The following CCNY variants were observed in gnomAD, a reference collection of about 807,000 sequenced individuals.
CCNY encodes the protein cyclin Y, also known as cyclin-Y.
A neutral mutation model predicts 42.8 loss-of-function variants in CCNY; 19 were observed. The observed-to-expected ratio is 0.44, with a 90% CI of 0.31 to 0.65. The LOEUF (loss-of-function observed/expected upper bound fraction) is 0.65. Among genes scored for constraint, CCNY ranks in the 30% least tolerant of loss-of-function variants. The pLI is 0.07. For synonymous variants in CCNY, 165 were observed against 162.7 expected, an observed-to-expected ratio of 1.01 and a Z score of -0.11; for missense variants, 370 against 437.3, an observed-to-expected ratio of 0.85 and a Z score of 1.37.
intron 1 of CCNY, among the ~76,000 whole-genome samples, chr10:35,437,661 C>T (rs1402116701): frequency 2.1e-5 from 3 of 142,054 alleles, no homozygotes; most frequent in Non-Finnish European, 4.6e-5. Flanking sequence ...GACTCTGTCT[C>T]AAAAAAAAAA....
chr10:35,386,611 C>T (rs867350966), intron 1 of CCNY, among the ~76,000 whole-genome samples: 34 of 152,090 alleles, frequency 2.2e-4, no homozygotes, highest in African/African-American at 7.2e-4. Context: ...TAAATGGACT[C>T]GGGAGTCCAC....
At chr10:35,321,558 G>T (rs1461414085) in intron 3 of CCNY, among the ~76,000 whole-genome samples, 4 of 151,588 alleles carry the variant, frequency 2.6e-5, no homozygotes. Flanking sequence ...CGCACCTGTG[G>T]TCTCAGTTAC....
In CCNY at chr10:35,270,109, A is replaced by G. The variant is rs184281792; in HGVS notation, c.-9+19483A>G. Among the ~76,000 whole-genome samples, 331 of 152,220 alleles carry G rather than the reference A, an allele frequency of 2.2e-3. 1 individual carries two copies. Among genetic ancestry groups the G allele is most frequent in the Admixed American group, 4.8e-3 (73 of 15,272 alleles). The stretch of plus-strand genomic sequence containing the variant: ...CCAACATTTTCTTCACAATCACTTC[A>G]GTAATCTCTGAGACTGAAGCTTTCT... On this transcript the variant is annotated intron_variant, in intron 3 of 11. Transcript: ENST00000374706.
chr10:35,460,954 TC>T (rs1429501484), intron 1 of CCNY, among the ~76,000 whole-genome samples: 1 of 152,008 alleles, frequency 6.6e-6, no homozygotes, highest in African/African-American at 2.4e-5. Context: ...GGCTAGGACA[TC>T]CACTTATTAT....
chr10:35,283,475 A>G (rs1835319762), intron 3 of CCNY, among the ~76,000 whole-genome samples: 1 of 151,328 alleles, frequency 6.6e-6, no homozygotes, highest in Non-Finnish European at 1.5e-5. Flanking sequence ...ACCTTGGCTC[A>G]CTGCAACCAC....
chr10:35,280,392 A>C (rs1835286374), intron 3 of CCNY, among the ~76,000 whole-genome samples: 1 of 150,226 alleles, frequency 6.7e-6, no homozygotes, highest in Admixed American at 6.7e-5. Flanking sequence ...GAAGAAAGGA[A>C]GAAGGAAAGG....
chr10:35,522,028 TAGAC>T (rs1191706539), intron 4 of CCNY, among the ~76,000 whole-genome samples: 1 of 152,024 alleles, frequency 6.6e-6, no homozygotes, highest in African/African-American at 2.4e-5. Context: ...AAAAACAAAA[TAGAC>T]AGCCCAGTAC....
intron 1 of CCNY, among the ~76,000 whole-genome samples, chr10:35,247,669 G>T (rs1307461650): frequency 6.6e-6 from 1 of 151,842 alleles, no homozygotes; most frequent in Non-Finnish European, 1.5e-5. Flanking sequence ...AACGTCAGGA[G>T]ATCGAGACCA....
At chr10:35,257,945 T>C (rs1331130531) in intron 3 of CCNY, among the ~76,000 whole-genome samples, 1 of 152,208 alleles carries the variant, frequency 6.6e-6, no homozygotes, top group Non-Finnish European at 1.5e-5. Flanking sequence ...TTCCTTCTGT[T>C]CCTTAGACTC....
At chr10:35,526,813 G>A (rs879823432) in intron 5 of CCNY, among the ~76,000 whole-genome samples, 16 of 151,976 alleles carry the variant, frequency 1.1e-4, no homozygotes, top group South Asian at 4.1e-4. Flanking sequence ...TTTCCAAAGC[G>A]TCCTCCTTCG....
chr10:35,312,104 G>A (rs1835692312), intron 3 of CCNY, among the ~76,000 whole-genome samples: 1 of 152,054 alleles, frequency 6.6e-6, no homozygotes. Flanking sequence ...TTGGCTGGTC[G>A]CGGTGGCTCA....
At chr10:35,394,086 C>T (rs757902629) in intron 1 of CCNY, among the ~76,000 whole-genome samples, 1 of 152,156 alleles carries the variant, frequency 6.6e-6, no homozygotes, top group Non-Finnish European at 1.5e-5. Flanking sequence ...TCCAGTGCTC[C>T]GTGCAACTTA....
chr10:35,400,110 T>C (rs746149386), intron 1 of CCNY, among the ~76,000 whole-genome samples: 11 of 152,140 alleles, frequency 7.2e-5, no homozygotes, highest in Non-Finnish European at 1.3e-4. Context: ...ATTTTAGCCC[T>C]GTGGATAGCT....
intron 1 of CCNY, among the ~76,000 whole-genome samples, chr10:35,477,361 T>A (rs958163191): frequency 5.3e-5 from 8 of 150,750 alleles, no homozygotes; most frequent in Non-Finnish European, 1.2e-4. Context: ...CCAATATCCT[T>A]GATGAACATT....
chr10:35,499,237 C>T (rs1394538477), intron 2 of CCNY, among the ~76,000 whole-genome samples: 7 of 152,104 alleles, frequency 4.6e-5, no homozygotes, highest in African/African-American at 1.7e-4. Context: ...TACAGTTCCA[C>T]GTAGCTGGGG....
chr10:35,566,875 T>A (rs1369844936), intron 9 of CCNY, among the ~76,000 whole-genome samples: 1 of 151,402 alleles, frequency 6.6e-6, no homozygotes, highest in Non-Finnish European at 1.5e-5. Context: ...CCAGCTAATT[T>A]TTTTTTGTAT....
chr10:35,346,751 T>C (rs1187554000), intron 1 of CCNY, among the ~76,000 whole-genome samples: 1 of 152,136 alleles, frequency 6.6e-6, no homozygotes, highest in East Asian at 1.9e-4. Context: ...CTCAGCCTCC[T>C]GAGTAGCTGG....
chr10:35,406,074 C>T (rs1051624237), intron 1 of CCNY, among the ~76,000 whole-genome samples: 12 of 152,052 alleles, frequency 7.9e-5, no homozygotes, highest in African/African-American at 2.9e-4. Context: ...CTCAGAAATA[C>T]ATTGCTACTT....
chr10:35,367,829 T>G (rs780902757), intron 1 of CCNY, among the ~76,000 whole-genome samples: 18 of 152,242 alleles, frequency 1.2e-4, no homozygotes, highest in South Asian at 6.2e-4. Context: ...GTGAAATATT[T>G]CGTTTAACAA....
Sources: allele counts gnomAD v4.1 joint callset (sites outside exome capture counted in the v4.1 genomes callset), GRCh38; gene constraint gnomAD v4.1.1; transcripts MANE v1.5; gene names NCBI Gene and HGNC (gene_info 2026-07-23, HGNC 2026-07-21).